GSAP: variants seen among roughly 807,000 people sequenced by gnomAD.
GSAP encodes gamma-secretase activating protein, also known as gamma-secretase-activating protein.
Under a neutral mutation model 131.7 loss-of-function variants are expected in GSAP, and 118 were observed. That is an observed-to-expected ratio of 0.90 (90% CI 0.77 to 1.04). GSAP has a LOEUF of 1.04. Ranked by LOEUF, GSAP falls within the 50% of genes least tolerant of loss-of-function variation. The pLI is 0.00. For missense variants in GSAP, 1,019 were observed against 1,013.2 expected (o/e 1.01, Z -0.08); for synonymous variants, 381 against 363.4 (o/e 1.05, Z -0.55).
intron 14 of GSAP, among the ~76,000 whole-genome samples, chr7:77,358,015 A>C (rs1265845182): frequency 1.3e-5 from 2 of 152,174 alleles, no homozygotes; most frequent in Admixed American, 6.5e-5. Flanking sequence ...TACAATTACT[A>C]TTTGTCAGTT....
chr7:77,329,439 G>T, intron 20 of GSAP, 48 bp from the exon 21 acceptor site: 3 of 1,083,006 alleles, frequency 2.8e-6, no homozygotes, highest in Non-Finnish European at 4.1e-6. Flanking sequence ...GGTTTTATCG[G>T]TGACTTTTCA....
At chr7:77,355,512 A>G (rs771969225) in intron 15 of GSAP, 43 bp downstream of exon 15, 1 of 1,524,272 alleles carries the variant, frequency 6.6e-7, no homozygotes, top group South Asian at 1.2e-5. Flanking sequence ...GTCAAAACAA[A>G]CTCAAATGGG....
At chr7:77,352,267 T>G (rs1283842001) in intron 18 of GSAP, among the ~76,000 whole-genome samples, 1 of 152,232 alleles carries the variant, frequency 6.6e-6, no homozygotes, top group African/African-American at 2.4e-5. Flanking sequence ...AACTTCTGCC[T>G]CAAAAGCAAG....
At chr7:77,325,867 G>A (rs372373742) in intron 23 of GSAP, among the ~76,000 whole-genome samples, 10 of 152,148 alleles carry the variant, frequency 6.6e-5, no homozygotes, top group South Asian at 2.1e-4. Context: ...CACTGTGCCC[G>A]GCCTGTTCTG....
Position 77,377,345 on chromosome 7 carries a change from C to G in GSAP, c.622G>C (p.Asp208His). The G allele has an allele frequency of 6.3e-7, 1 of 1,582,404 alleles. No individual in the cohort carries two copies. The highest frequency in any genetic ancestry group is 8.6e-7 in the Non-Finnish European group (1 of 1,167,476). ...ATATCCCACTGAGCCCAAACGAAAT[C>G]CTCAGCTATTCTGTCTCTTGGGAGA... ...GHLPRDRIAE[D>H]FVWAQWDMSE... Residue 208 changes from aspartate (D) to histidine (H), a missense_variant, in exon 9 of 31, where the codon GAT becomes CAT. Asp to His is a moderately conservative substitution (Grantham distance 81, BLOSUM62 -1). Transcript: ENST00000257626.
At chr7:77,321,187 T>C in intron 25 of GSAP, 146 bp downstream of exon 25, 1 of 636,540 alleles carries the variant, frequency 1.6e-6, no homozygotes. Context: ...GGGGCATAAC[T>C]TTAAATGCTG....
chr7:77,389,402 G>A (rs1283782320), intron 5 of GSAP, among the ~76,000 whole-genome samples: 1 of 150,618 alleles, frequency 6.6e-6, no homozygotes, highest in East Asian at 1.9e-4. Flanking sequence ...GCGTCATTTA[G>A]CATTAGGTAT....
chr7:77,384,275 A>T (rs117692331), intron 6 of GSAP, among the ~76,000 whole-genome samples: 8 of 152,204 alleles, frequency 5.3e-5, no homozygotes, highest in South Asian at 2.1e-4. Context: ...GGTGCTGAAG[A>T]GGTGTAACTG....
At chr7:77,336,486 TTTTTG>T (rs1314747302) in intron 19 of GSAP, among the ~76,000 whole-genome samples, 1 of 151,816 alleles carries the variant, frequency 6.6e-6, no homozygotes, top group Non-Finnish European at 1.5e-5. Flanking sequence ...AAGCTCTTTT[TTTTTG>T]TTTTTGTTTT....
intron 13 of GSAP, among the ~76,000 whole-genome samples, chr7:77,362,142 T>C (rs548825246): frequency 2.3e-4 from 35 of 152,254 alleles, no homozygotes; most frequent in Non-Finnish European, 3.2e-4. Flanking sequence ...GAAATATATA[T>C]CCTGTAAGTA....
chr7:77,337,677 A>G (rs1254470050), intron 19 of GSAP, among the ~76,000 whole-genome samples: 2 of 152,206 alleles, frequency 1.3e-5, no homozygotes, highest in East Asian at 1.9e-4. Context: ...GTAATCAACA[A>G]TCTCTAACAA....
At chr7:77,340,175 C>A (rs114139526) in intron 19 of GSAP, among the ~76,000 whole-genome samples, 3,877 of 152,294 alleles carry the variant, frequency 0.025, 160 homozygotes, top group African/African-American at 0.087. Flanking sequence ...GTGACACACG[C>A]CCCTGCCCAT....
chr7:77,351,735 C>G, intron 18 of GSAP: 1 of 985,730 alleles, frequency 1.0e-6, no homozygotes, highest in Non-Finnish European at 1.2e-6. Flanking sequence ...GTGATATTCT[C>G]ACACCACATC....
intron 27 of GSAP, among the ~76,000 whole-genome samples, chr7:77,314,002 G>A (rs181116880): frequency 1.3e-5 from 2 of 152,278 alleles, no homozygotes; most frequent in East Asian, 1.9e-4. Context: ...AGCCTGCAGA[G>A]GTTCCTAGCC....
chr7:77,340,853 C>T (rs1031366892), intron 19 of GSAP, among the ~76,000 whole-genome samples: 1 of 152,042 alleles, frequency 6.6e-6, no homozygotes, highest in Admixed American at 6.5e-5. Context: ...CAGGGCTGCT[C>T]ACTACCCCCA....
intron 12 of GSAP, among the ~76,000 whole-genome samples, chr7:77,368,124 T>TAC (rs1795583814): frequency 6.6e-6 from 1 of 152,164 alleles, no homozygotes; most frequent in Admixed American, 6.5e-5. Flanking sequence ...CCTGGAGTTG[T>TAC]ACATTTACTC....
chr7:77,379,214 C>T (rs1797427090), intron 8 of GSAP, among the ~76,000 whole-genome samples: 1 of 151,928 alleles, frequency 6.6e-6, no homozygotes, highest in Non-Finnish European at 1.5e-5. Context: ...TGTGGCATAC[C>T]CAGGTTCAAA....
chr7:77,416,236 C>A lies in GSAP; in HGVS notation c.86G>T (p.Ser29Ile). ...ACCTGCGCCGCCGCTTCCGGCCCCG[C>A]TGGCCTCCGACACTGCCCGCTGCGC... ...LRAQRAVSEA[S>I]GAGSGGADVL... The change falls in exon 1 of 31, where the codon AGC (serine) becomes ATC (isoleucine). Residue 29 changes from serine to isoleucine, a missense_variant. Physicochemically the swap from Ser to Ile is moderately radical, Grantham distance 142 (BLOSUM62 -2). Transcript: ENST00000257626. 6.8e-7 allele frequency: 1 copy of A among 1,480,240 alleles called. No individual in the cohort carries two copies. Among genetic ancestry groups the A allele is most frequent in the Non-Finnish European group, 8.9e-7 (1 of 1,117,456 alleles). 91.7% of individuals were successfully genotyped at this position (1,480,240 alleles called of 1,614,324 possible). A position where few individuals can be genotyped will look rare whatever the true frequency, so the allele number is the denominator to read the frequency against.
At chr7:77,340,413 C>T (rs1176157052) in intron 19 of GSAP, among the ~76,000 whole-genome samples, 3 of 152,146 alleles carry the variant, frequency 2.0e-5, no homozygotes, top group Non-Finnish European at 2.9e-5. Context: ...TTCAGGAGAC[C>T]GGTCCCCTGT....
Sources: gnomAD v4.1 joint callset for allele counts (sites outside exome capture counted in the v4.1 genomes callset) on GRCh38, gnomAD v4.1.1 for gene constraint, MANE v1.5 for transcripts, NCBI Gene and HGNC (gene_info 2026-07-23, HGNC 2026-07-21) for gene names.